The following INVS variants were observed in gnomAD, a reference collection of about 807,000 sequenced individuals.
INVS encodes the protein inversion of embryo turning homolog.
In INVS, 86 loss-of-function variants were observed where a neutral mutation model predicts 108.8. The observed-to-expected ratio is 0.79, with a 90% CI of 0.66 to 0.95. The LOEUF is 0.95. INVS is among the 40% of genes least tolerant of loss of function. The pLI, the probability that INVS is intolerant of heterozygous loss-of-function variation, is 0.00. For synonymous variants in INVS, 455 were observed against 473.5 expected (o/e 0.96, Z 0.51); for missense variants, 1,169 against 1,297.4 (o/e 0.90, Z 1.52).
chr9:100,179,340 T>C (rs1477962409), intron 3 of INVS, among the ~76,000 whole-genome samples: 2 of 152,000 alleles, frequency 1.3e-5, no homozygotes, highest in African/African-American at 4.8e-5. Flanking sequence ...AGACACAGAC[T>C]GGCAAATTGG....
At chr9:100,269,791 T>C (rs1588136047) in intron 11 of INVS, among the ~76,000 whole-genome samples, 1 of 152,160 alleles carries the variant, frequency 6.6e-6, no homozygotes, top group African/African-American at 2.4e-5. Flanking sequence ...TCAGTGGTGG[T>C]CATGGGATGG....
At chr9:100,172,852 G>C (rs1829585080) in intron 3 of INVS, among the ~76,000 whole-genome samples, 1 of 152,188 alleles carries the variant, frequency 6.6e-6, no homozygotes, top group Admixed American at 6.5e-5. Context: ...CAGTGAGTCA[G>C]ATTATTAGTT....
chr9:100,117,502 C>A, intron 2 of INVS: 1 of 812,656 alleles, frequency 1.2e-6, no homozygotes, highest in South Asian at 1.4e-5. Flanking sequence ...GGCCTCAGCC[C>A]GGGCCCCGTC....
intron 11 of INVS, 22 bp downstream of exon 11, chr9:100,264,950 T>TC: frequency 6.4e-7 from 1 of 1,554,986 alleles, no homozygotes; most frequent in East Asian, 2.2e-5. Context: ...TTGACTTTTT[T>TC]TTTTTTTTTT....
rs780090630 is a variant in INVS at position 100,154,331 on chromosome 9, A to ATTTTTT, written c.273+27805_273+27810dup. The stretch of plus-strand genomic sequence containing the variant: ...AGGTGTGTGCCACCACAACCGACTA[A>ATTTTTT]TTTTTTTTTTTTTTTTTTTTTTTTT... On this transcript the variant is annotated intron_variant, in intron 3 of 16. Transcript: ENST00000262457. Among the ~76,000 whole-genome samples, 56 of 68,570 alleles carry ATTTTTT rather than the reference A, an allele frequency of 8.2e-4. 3 individuals carry two copies. Among genetic ancestry groups the ATTTTTT allele is most frequent in the African/African-American group, 1.8e-3 (23 of 12,990 alleles). The allele number at this position is 68,570 out of a possible 152,430, so 45.0% of individuals were successfully genotyped here.
At chr9:100,256,921 A>C (rs1588126582) in intron 10 of INVS, among the ~76,000 whole-genome samples, 1 of 152,322 alleles carries the variant, frequency 6.6e-6, no homozygotes, top group East Asian at 1.9e-4. Context: ...GATGTCTATT[A>C]GGTCCGCTTG....
intron 3 of INVS, among the ~76,000 whole-genome samples, chr9:100,165,353 T>C (rs1340893806): frequency 6.6e-6 from 1 of 152,152 alleles, no homozygotes; most frequent in South Asian, 2.1e-4. Context: ...TAACAATTAG[T>C]GGTGCTCAGT....
At chr9:100,110,296 C>A (rs1218828872) in intron 2 of INVS, among the ~76,000 whole-genome samples, 1 of 152,088 alleles carries the variant, frequency 6.6e-6, no homozygotes, top group Non-Finnish European at 1.5e-5. Flanking sequence ...TAGTATTACC[C>A]TCATTTTTAA....
At chr9:100,185,292 A>G (rs887970075) in intron 3 of INVS, among the ~76,000 whole-genome samples, 42 of 151,906 alleles carry the variant, frequency 2.8e-4, no homozygotes, top group African/African-American at 1.0e-3. Context: ...TGTGTAATAA[A>G]TGTACCTACT....
At chr9:100,198,052 T>C (rs145195158) in intron 3 of INVS, among the ~76,000 whole-genome samples, 19 of 152,242 alleles carry the variant, frequency 1.2e-4, no homozygotes, top group African/African-American at 4.3e-4. Flanking sequence ...AAAATCTATG[T>C]CTATATCTAT....
intron 11 of INVS, among the ~76,000 whole-genome samples, chr9:100,269,044 G>A (rs954736690): frequency 1.3e-5 from 2 of 152,044 alleles, no homozygotes; most frequent in Non-Finnish European, 2.9e-5. Context: ...TACCAAATAC[G>A]TATGTTGTTT....
At chr9:100,267,366 A>G (rs756199690) in intron 11 of INVS, among the ~76,000 whole-genome samples, 2 of 152,230 alleles carry the variant, frequency 1.3e-5, no homozygotes, top group Non-Finnish European at 2.9e-5. Flanking sequence ...TTCATCAGCA[A>G]TGTACCTTGA....
intron 3 of INVS, among the ~76,000 whole-genome samples, chr9:100,184,371 A>G (rs776399478): frequency 4.6e-5 from 7 of 152,176 alleles, no homozygotes; most frequent in Non-Finnish European, 1.0e-4. Flanking sequence ...AACAGAGAGT[A>G]TATGTTGCTG....
chr9:100,300,903 A>C lies in INVS; in HGVS notation c.*229A>C, dbSNP rs1833946565. ...GCCTGCACTGAAAGGACCTGCATAG[A>C]CTATGTCTGTGCAAAGTGCCTGAGT... On this transcript the variant is annotated 3_prime_UTR_variant, in exon 17 of 17. Transcript: ENST00000262457. The C allele has an allele frequency of 3.5e-6, 2 of 566,554 alleles. No homozygotes were observed. Among genetic ancestry groups the C allele is most frequent in the Non-Finnish European group, 6.3e-6 (2 of 316,552 alleles). 35.1% of individuals were successfully genotyped at this position (566,554 alleles called of 1,614,324 possible).
In INVS at chr9:100,302,120, T is replaced by A; in HGVS notation, c.*1446T>A. The A allele has an allele frequency of 1.1e-6, 1 of 890,260 alleles. No individual in the cohort carries two copies. Among genetic ancestry groups the A allele is most frequent in the Non-Finnish European group, 1.7e-6 (1 of 596,050 alleles). The allele number at this position is 890,260 out of a possible 1,614,324, so 55.1% of individuals were successfully genotyped here. On this transcript the variant is annotated 3_prime_UTR_variant, in exon 17 of 17. Transcript: ENST00000262457. ...TTCAGCTTTAATGACAAAGATCTAT[T>A]ACATCAGTCTTTTTCTTCAAATAAG...
At chr9:100,154,797 A>C (rs1448191513) in intron 3 of INVS, among the ~76,000 whole-genome samples, 1 of 152,200 alleles carries the variant, frequency 6.6e-6, no homozygotes, top group Non-Finnish European at 1.5e-5. Context: ...GAAGACTCTT[A>C]CCTAAAGGGA....
At chr9:100,299,640 ACACACACACACACACACACACACAC>A (rs1833903440) in intron 16 of INVS, among the ~76,000 whole-genome samples, 7 of 23,008 alleles carry the variant, frequency 3.0e-4, no homozygotes, top group African/African-American at 1.5e-3. Context: ...TTATTGACAC[ACACACACACACACACACACACACAC>A]ACACACACAC....
At chr9:100,300,029 A>C (rs1287347867) in intron 16 of INVS, among the ~76,000 whole-genome samples, 1 of 152,220 alleles carries the variant, frequency 6.6e-6, no homozygotes, top group Non-Finnish European at 1.5e-5. Flanking sequence ...AAGGTTTCTC[A>C]TATGGGGCCT....
chr9:100,219,267 C>A lies in INVS; in HGVS notation c.274-6795C>A, dbSNP rs557454197. On this transcript the variant is annotated intron_variant, in intron 3 of 16. Transcript: ENST00000262457. ...ATTTACAAAAGAAACAAATATCCAGCAAACATATAAAAACATTCCACCTCA... is the reference window on the plus strand; with the variant it reads ...ATTTACAAAAGAAACAAATATCCAGAAAACATATAAAAACATTCCACCTCA... 2.6e-4 allele frequency among the ~76,000 whole-genome samples: 39 copies of A among 152,156 alleles called. No homozygotes were observed. In the South Asian group the frequency reaches 3.9e-3, roughly 15 times the overall value.
Sources: gnomAD v4.1 joint callset for allele counts (sites outside exome capture counted in the v4.1 genomes callset) on GRCh38, gnomAD v4.1.1 for gene constraint, MANE v1.5 for transcripts, NCBI Gene and HGNC (gene_info 2026-07-23, HGNC 2026-07-21) for gene names.